PIGU: variants seen among roughly 807,000 people sequenced by gnomAD.
The protein encoded by PIGU is GPI-anchor transamidase component PIGU.
PIGU carries 24 observed loss-of-function variants against 49.9 expected under a neutral mutation model. That is an observed-to-expected ratio of 0.48 (90% CI 0.35 to 0.68). The LOEUF is 0.68. PIGU is among the 30% of genes least tolerant of loss of function. The pLI is 0.01. For synonymous variants in PIGU, 220 were observed against 205.7 expected (o/e 1.07, Z -0.59); for missense variants, 490 against 532.6 (o/e 0.92, Z 0.79).
intron 1 of PIGU, among the ~76,000 whole-genome samples, chr20:34,661,057 A>G (rs35079731): frequency 2.0e-3 from 299 of 152,362 alleles, no homozygotes; most frequent in Non-Finnish European, 3.3e-3. Context: ...TAAAAAGTAC[A>G]CTAGAGATCT....
At chr20:34,625,976 A>G (rs1985474031) in intron 6 of PIGU, among the ~76,000 whole-genome samples, 1 of 148,928 alleles carries the variant, frequency 6.7e-6, no homozygotes, top group Admixed American at 6.7e-5. Flanking sequence ...ATATATATAC[A>G]CACATACACA....
At chr20:34,630,440 G>C (rs1195708189) in intron 6 of PIGU, among the ~76,000 whole-genome samples, 2 of 152,114 alleles carry the variant, frequency 1.3e-5, no homozygotes, top group African/African-American at 4.8e-5. Flanking sequence ...TGCTACCCCA[G>C]ACAGGACTTC....
chr20:34,586,765 G>A (rs928925343), intron 8 of PIGU, among the ~76,000 whole-genome samples: 3 of 152,154 alleles, frequency 2.0e-5, no homozygotes, highest in Admixed American at 6.5e-5. Flanking sequence ...AAGGTTTGAC[G>A]TGTGGCAGGT....
At chr20:34,619,879 T>C (rs1985141463) in intron 6 of PIGU, among the ~76,000 whole-genome samples, 1 of 152,164 alleles carries the variant, frequency 6.6e-6, no homozygotes, top group African/African-American at 2.4e-5. Flanking sequence ...GTAACTGGCA[T>C]CAACATCTAG....
chr20:34,621,774 T>C (rs1985246088), intron 6 of PIGU, among the ~76,000 whole-genome samples: 1 of 152,232 alleles, frequency 6.6e-6, no homozygotes, highest in Non-Finnish European at 1.5e-5. Context: ...CAAACATTTC[T>C]GGAGTTTGCT....
At chr20:34,651,372 G>A (rs1322888561) in intron 2 of PIGU, among the ~76,000 whole-genome samples, 3 of 152,184 alleles carry the variant, frequency 2.0e-5, no homozygotes, top group Admixed American at 6.5e-5. Flanking sequence ...TTTCTGTTCT[G>A]CTTCTCCACC....
intron 6 of PIGU, among the ~76,000 whole-genome samples, chr20:34,617,822 C>T (rs1322979568): frequency 5.3e-5 from 8 of 152,132 alleles, no homozygotes; most frequent in South Asian, 2.1e-4. Flanking sequence ...CCAGAATTCC[C>T]ATGTAATGTG....
intron 7 of PIGU, among the ~76,000 whole-genome samples, chr20:34,615,212 C>T (rs1402042092): frequency 6.6e-6 from 1 of 152,198 alleles, no homozygotes; most frequent in African/African-American, 2.4e-5. Context: ...TAAAATGAGA[C>T]GATGCCTACA....
chr20:34,613,858 T>C (rs1249215049), intron 7 of PIGU, among the ~76,000 whole-genome samples: 4 of 152,202 alleles, frequency 2.6e-5, no homozygotes, highest in Non-Finnish European at 5.9e-5. Flanking sequence ...AGGAGGTAAG[T>C]GGTCCACTTC....
chr20:34,614,841 C>T (rs756057393), intron 7 of PIGU, among the ~76,000 whole-genome samples: 138 of 152,280 alleles, frequency 9.1e-4, no homozygotes, highest in Non-Finnish European at 1.6e-3. Context: ...TCAGCTTTAG[C>T]AGTGCTTGTG....
intron 7 of PIGU, among the ~76,000 whole-genome samples, chr20:34,593,592 T>C (rs187273405): frequency 6.6e-6 from 1 of 152,316 alleles, no homozygotes; most frequent in Admixed American, 6.5e-5. Context: ...ATTTAGTATA[T>C]GACAGTGGTG....
At chr20:34,665,550 C>A (rs909574644) in intron 1 of PIGU, among the ~76,000 whole-genome samples, 6 of 151,584 alleles carry the variant, frequency 4.0e-5, no homozygotes, top group Non-Finnish European at 8.8e-5. Flanking sequence ...CCATGTTGGC[C>A]AGGCTGATCT....
intron 2 of PIGU, among the ~76,000 whole-genome samples, chr20:34,655,482 T>C (rs1986674766): frequency 8.3e-6 from 1 of 119,960 alleles, no homozygotes; most frequent in African/African-American, 3.1e-5. Flanking sequence ...GCATCCTGGC[T>C]AATATGATGA....
intron 4 of PIGU, among the ~76,000 whole-genome samples, chr20:34,639,559 G>C (rs1986084446): frequency 6.6e-6 from 1 of 151,884 alleles, no homozygotes; most frequent in Non-Finnish European, 1.5e-5. Context: ...AGAGCTGTAG[G>C]AGTAAATTTT....
intron 1 of PIGU, among the ~76,000 whole-genome samples, chr20:34,666,855 C>T (rs919058952): frequency 6.6e-6 from 1 of 151,904 alleles, no homozygotes; most frequent in Non-Finnish European, 1.5e-5. Flanking sequence ...TGCCACCACG[C>T]CAGGCTAATT....
intron 11 of PIGU, among the ~76,000 whole-genome samples, chr20:34,561,562 C>T (rs1351671813): frequency 1.3e-5 from 2 of 152,150 alleles, no homozygotes; most frequent in Non-Finnish European, 2.9e-5. Flanking sequence ...CTTGGGCTCC[C>T]TGCTCTCAAA....
intron 5 of PIGU, among the ~76,000 whole-genome samples, chr20:34,637,166 T>TCTC (rs1985994273): frequency 6.6e-6 from 1 of 152,236 alleles, no homozygotes; most frequent in South Asian, 2.1e-4. Context: ...AGTAAACTAG[T>TCTC]CTCACAAGGC....
intron 4 of PIGU, among the ~76,000 whole-genome samples, chr20:34,639,815 T>C (rs543186584): frequency 1.8e-4 from 28 of 152,290 alleles, no homozygotes; most frequent in African/African-American, 6.5e-4. Context: ...GTGGGAATTA[T>C]CAGTAAGATT....
chr20:34,659,817 G>A (rs1259084118), intron 1 of PIGU, among the ~76,000 whole-genome samples: 1 of 152,054 alleles, frequency 6.6e-6, no homozygotes, highest in South Asian at 2.1e-4. Flanking sequence ...TAAGGGCGGT[G>A]CAAGATGTGC....
Sources: gnomAD v4.1 joint callset for allele counts (sites outside exome capture counted in the v4.1 genomes callset) on GRCh38, gnomAD v4.1.1 for gene constraint, MANE v1.5 for transcripts, NCBI Gene and HGNC (gene_info 2026-07-23, HGNC 2026-07-21) for gene names.